The following SMG5 variants were observed in gnomAD, a reference collection of about 807,000 sequenced individuals.
SMG5 encodes the protein nonsense-mediated mRNA decay factor SMG5.
A neutral mutation model predicts 122.9 loss-of-function variants in SMG5; 53 were observed. The observed-to-expected ratio is 0.43, with a 90% confidence interval of 0.35 to 0.54. SMG5 has a LOEUF of 0.54. SMG5 is among the 20% of genes least tolerant of loss of function. The pLI is 0.01. For synonymous variants in SMG5, 477 were observed against 490.2 expected (o/e 0.97, Z 0.35); for missense variants, 1,153 against 1,285.6 (o/e 0.90, Z 1.58).
intron 13 of SMG5, among the ~76,000 whole-genome samples, chr1:156,261,890 C>CAAA (rs61569049): frequency 2.2e-5 from 2 of 90,174 alleles, no homozygotes; most frequent in Non-Finnish European, 4.1e-5. Context: ...AACTCCTTCT[C>CAAA]AAAAAAAAAA....
chr1:156,282,526 C>A lies in SMG5; in HGVS notation c.74+81G>T, dbSNP rs1663002278. ...CCCGCACCTCACCCCGACACCCGGG[C>A]CCCGCCCGCCCGGGAGGCCCCGCCC... is the stretch of plus-strand genomic sequence containing the variant. On this transcript the variant is annotated intron_variant, in intron 1 of 21. Transcript: ENST00000361813. 5.4e-6 allele frequency: 8 copies of A among 1,476,834 alleles called. No homozygotes were observed. In the Admixed American group the frequency reaches 1.2e-4, roughly 23 times the overall value. 91.5% of individuals were successfully genotyped at this position (1,476,834 alleles called of 1,614,324 possible).
At chr1:156,281,244 C>T (rs1203453745) in intron 1 of SMG5, among the ~76,000 whole-genome samples, 1 of 152,260 alleles carries the variant, frequency 6.6e-6, no homozygotes, top group African/African-American at 2.4e-5. Context: ...CAGGCAAACA[C>T]ATCAGCTTAG....
intron 7 of SMG5, among the ~76,000 whole-genome samples, chr1:156,270,408 G>A (rs1309498826): frequency 6.6e-6 from 1 of 152,284 alleles, no homozygotes; most frequent in African/African-American, 2.4e-5. Context: ...CAGAGGAGAG[G>A]GGCCAAATGA....
chr1:156,255,521 A>G (rs1316701060), intron 16 of SMG5, among the ~76,000 whole-genome samples: 1 of 151,928 alleles, frequency 6.6e-6, no homozygotes, highest in African/African-American at 2.4e-5. Flanking sequence ...TCTGCACAAC[A>G]AGAGCAAAAC....
At chr1:156,259,589 G>T (rs1428031884) in intron 15 of SMG5, among the ~76,000 whole-genome samples, 4 of 152,068 alleles carry the variant, frequency 2.6e-5, no homozygotes, top group Non-Finnish European at 4.4e-5. Flanking sequence ...GAGTGCAGTG[G>T]TGTGATTACA....
Position 156,266,285 on chromosome 1 carries a change from G to T in SMG5, c.1351C>A (p.Arg451Ser). 7 of 1,614,186 alleles carry T rather than the reference G, an allele frequency of 4.3e-6. No individual in the cohort carries two copies. Among genetic ancestry groups the T allele is most frequent in the Non-Finnish European group, 5.9e-6 (7 of 1,180,028 alleles). ...TPQVGEGRKS[R>S]KFSRLSCLRR... The stretch of plus-strand genomic sequence containing the variant: ...AGACAGGAGAGGCGAGAGAACTTAC[G>T]GCTCTTTCTGCCCTCACCCACTTGG... The change falls in exon 12 of 22, where the codon CGT (arginine) becomes AGT (serine). Residue 451 changes from arginine to serine, a missense_variant. Around this residue, in one of 5 missense-constraint regions of SMG5, gnomAD observed 631 missense variants for 650.6 expected, o/e 0.97. Transcript: ENST00000361813.
chr1:156,265,495 G>A (rs908857262), intron 12 of SMG5, among the ~76,000 whole-genome samples: 1 of 152,224 alleles, frequency 6.6e-6, no homozygotes, highest in Non-Finnish European at 1.5e-5. Context: ...CACAGGGAAG[G>A]AAGCTGCAGC....
chr1:156,286,166 T>C, upstream of SMG5: 5 of 1,406,154 alleles, frequency 3.6e-6, no homozygotes, highest in Non-Finnish European at 4.9e-6. Flanking sequence ...GTAGAGCCCA[T>C]GCACTGCCCA....
Position 156,272,412 on chromosome 1 carries a change from G to GA in SMG5, c.635-15dup, listed in dbSNP as rs1314132384. On this transcript the variant is annotated splice_polypyrimidine_tract_variant and intron_variant, in intron 6 of 21. Coordinates refer to ENST00000361813, the MANE Select transcript of SMG5 (RefSeq NM_015327.3). ...TGAAGGGCATTCCTAGGGAGAAAGA[G>GA]AATTCATGCAGTCTAAGGCCACAAT... The GA allele has an allele frequency of 6.3e-7, 1 of 1,592,822 alleles. No individual in the cohort carries two copies. Among genetic ancestry groups the GA allele is most frequent in the South Asian group, 1.1e-5 (1 of 88,322 alleles).
the SMG5 span, among the ~76,000 whole-genome samples, chr1:156,288,624 C>A: frequency 6.6e-6 from 1 of 152,162 alleles, no homozygotes; most frequent in African/African-American, 2.4e-5. Context: ...AGGCGTGAGC[C>A]ACCACACCTG....
intron 4 of SMG5, among the ~76,000 whole-genome samples, chr1:156,276,717 A>C (rs960053367): frequency 6.6e-6 from 1 of 152,256 alleles, no homozygotes; most frequent in Non-Finnish European, 1.5e-5. Context: ...CAACATATCT[A>C]AAGATTTCAA....
chr1:156,281,646 G>A (rs1341603385), intron 1 of SMG5, among the ~76,000 whole-genome samples: 1 of 152,202 alleles, frequency 6.6e-6, no homozygotes, highest in Non-Finnish European at 1.5e-5. Context: ...TCTGAGGGTC[G>A]TCTTCTCATG....
rs1372799884 is a variant in SMG5, at chr1:156,263,628, A to ACAGG, written c.1856-62_1856-59dup. The ACAGG allele has an allele frequency of 1.8e-5, 28 of 1,574,354 alleles. No individual in the cohort carries two copies. The African/African-American group carries it at 3.4e-4, about 19-fold the overall frequency. Reference sequence around the variant, plus strand: ...TGGGATAAACAACTGACACTTGGGAACAGGCCTCAGCTCTGTGCAGGGAGC... The same window carrying ACAGG: ...TGGGATAAACAACTGACACTTGGGAACAGGCAGGCCTCAGCTCTGTGCAGGGAGC... On this transcript the variant is annotated intron_variant, in intron 12 of 21. Coordinates refer to ENST00000361813, the MANE Select transcript of SMG5 (RefSeq NM_015327.3).
At position 156,267,596 on chromosome 1, in the gene SMG5, G is replaced by A; in HGVS notation, c.991C>T (p.Pro331Ser). 1.9e-6 allele frequency: 3 copies of A among 1,614,032 alleles called. No homozygotes were observed. The highest frequency in any genetic ancestry group is 2.5e-6 in the Non-Finnish European group (3 of 1,179,986). Residue 331 changes from proline (P) to serine (S), a missense_variant, in exon 10 of 22, where the codon CCC becomes TCC. Coordinates refer to ENST00000361813, the MANE Select transcript of SMG5 (RefSeq NM_015327.3). Reference sequence around the variant, plus strand: ...TCCTCACTGGCCAGGCTGAGGTTGGGTGAGGAGGGCAGGTAGAAGAGGCAG... The same window carrying A: ...TCCTCACTGGCCAGGCTGAGGTTGGATGAGGAGGGCAGGTAGAAGAGGCAG... The part of the protein sequence containing the change: ...NLCLFYLPSS[P>S]NLSLASEDEE...
At chr1:156,258,021 G>C (rs1034931717) in intron 16 of SMG5, among the ~76,000 whole-genome samples, 1 of 152,242 alleles carries the variant, frequency 6.6e-6, no homozygotes, top group Admixed American at 6.5e-5. Flanking sequence ...CTTGTTCACT[G>C]CTATAACCCC....
chr1:156,282,488 C>T, intron 1 of SMG5, 119 bp downstream of exon 1: 3 of 1,108,732 alleles, frequency 2.7e-6, no homozygotes, highest in African/African-American at 1.6e-5. Flanking sequence ...CAAAATTGCA[C>T]CCTCCTTCCT....
chr1:156,261,204 G>A, intron 14 of SMG5, 129 bp downstream of exon 14: 1 of 847,120 alleles, frequency 1.2e-6, no homozygotes, highest in Non-Finnish European at 2.0e-6. Context: ...ACTGCTGTGT[G>A]CTAGGGAGGC....
intron 11 of SMG5, 69 bp downstream of exon 11, chr1:156,266,472 T>C: frequency 6.2e-7 from 1 of 1,609,286 alleles, no homozygotes. Context: ...CCCGAGTCTG[T>C]GTTCCTTTCC....
At chr1:156,286,258 A>T (rs1451960424), upstream of SMG5, 5 of 1,613,636 alleles carry the variant, frequency 3.1e-6, no homozygotes, top group Non-Finnish European at 4.2e-6. Context: ...AACTCCACCC[A>T]GGGATCCTGG....
Sources: allele counts gnomAD v4.1 joint callset (sites outside exome capture counted in the v4.1 genomes callset), GRCh38; gene constraint gnomAD v4.1.1; regional missense constraint gnomAD v4.1.1; transcripts MANE v1.5; gene names NCBI Gene and HGNC (gene_info 2026-07-23, HGNC 2026-07-21).